PSME2: variants seen among roughly 807,000 people sequenced by gnomAD.
The protein encoded by PSME2 is proteasome activator complex subunit 2.
PSME2 carries 20 observed loss-of-function variants against 38.8 expected under a neutral mutation model. That is an observed-to-expected ratio of 0.52 (90% CI 0.36 to 0.75). PSME2 has a LOEUF of 0.75. PSME2 is among the 30% of genes least tolerant of loss of function. The probability of loss-of-function intolerance (pLI) is 0.00; values close to 1 mark genes in which losing one functional copy is unlikely to be tolerated. For missense variants in PSME2, 227 were observed against 287.6 expected, an observed-to-expected ratio of 0.79 and a Z score of 1.52; for synonymous variants, 82 against 102.5, an observed-to-expected ratio of 0.80 and a Z score of 1.21.
At position 24,145,392 on chromosome 14, in the gene PSME2, G is replaced by C. The variant is rs1673875338; in HGVS notation, c.218C>G (p.Pro73Arg). 6.3e-7 allele frequency: 1 copy of C among 1,589,294 alleles called. No homozygotes were observed. The highest frequency in any genetic ancestry group is 1.3e-5 in the African/African-American group (1 of 74,216). The change falls in exon 4 of 11, where the codon CCC becomes CGC. Residue 73 changes from proline to arginine, a missense_variant. Physicochemically the swap from Pro to Arg is moderately radical, Grantham distance 103. Around this residue, in one of 3 missense-constraint regions of PSME2, gnomAD observed 48 missense variants for 96.4 expected, o/e 0.50. Coordinates refer to ENST00000216802, the MANE Select transcript of PSME2 (RefSeq NM_002818.3). ...PLDIPIPDPP[P>R]KDDEMETDKQ... Reference sequence around the variant, plus strand: ...TGAGTGCCTCACCTCATCATCCTTGGGTGGAGGGTCTGGGATGGGGATGTC... The same window carrying C: ...TGAGTGCCTCACCTCATCATCCTTGCGTGGAGGGTCTGGGATGGGGATGTC...
intron 4 of PSME2, 49 bp downstream of exon 4, chr14:24,145,330 T>A (rs762699981): frequency 6.2e-7 from 1 of 1,612,664 alleles, no homozygotes; most frequent in Admixed American, 1.7e-5. Flanking sequence ...TGAAGGGCTA[T>A]CTTCTCCATT....
At chr14:24,144,938 C>T in intron 6 of PSME2, 120 bp downstream of exon 6, 1 of 1,010,332 alleles carries the variant, frequency 9.9e-7, no homozygotes, top group Non-Finnish European at 1.5e-6. Flanking sequence ...GCCCAAGGCA[C>T]AGAAGGAAGT....
chr14:24,146,578 C>G lies in PSME2; in HGVS notation c.4G>C (p.Ala2Pro). 1 of 1,613,576 alleles carries G rather than the reference C, an allele frequency of 6.2e-7. No homozygotes were observed. The highest frequency in any genetic ancestry group is 8.5e-7 in the Non-Finnish European group (1 of 1,180,036). The change falls in exon 1 of 11, where the codon GCC becomes CCC. Residue 2 changes from alanine to proline, a missense_variant. Around this residue, in one of 3 missense-constraint regions of PSME2, gnomAD observed 80 missense variants for 77.3 expected, o/e 1.04. Transcript: ENST00000216802. MAKPCGVRLSGE... is the reference protein window; with the variant it reads MPKPCGVRLSGE... ...CTCAGGCGCACCCCACACGGCTTGG[C>G]CATGCTGCTTCAGTCGCTAGATCTC...
At chr14:24,145,012 A>T in intron 6 of PSME2, 46 bp downstream of exon 6, 1 of 1,558,188 alleles carries the variant, frequency 6.4e-7, no homozygotes, top group South Asian at 1.1e-5. Context: ...CCAGGGCCTC[A>T]CCTTGTGTGT....
Position 24,146,542 on chromosome 14 carries a change from G to C in PSME2, c.40C>G (p.Arg14Gly). 1 of 1,613,974 alleles carries C rather than the reference G, an allele frequency of 6.2e-7. No individual in the cohort carries two copies. The highest frequency in any genetic ancestry group is 1.1e-5 in the South Asian group (1 of 91,084). ...PCGVRLSGEA[R>G]KQVEVFRQNL... ...CTCCGATTCCCCATTACCTGTTTGC[G>C]GGCTTCCCCGCTCAGGCGCACCCCA... The change falls in exon 1 of 11, where the codon CGC (arginine) becomes GGC (glycine). Residue 14 changes from arginine to glycine, a missense_variant. By Grantham distance (125) the Arg-to-Gly change is moderately radical (BLOSUM62 -2). Around this residue, in one of 3 missense-constraint regions of PSME2, gnomAD observed 80 missense variants for 77.3 expected, o/e 1.04. Transcript: ENST00000216802.
chr14:24,146,419 G>T, intron 1 of PSME2, 115 bp downstream of exon 1: 1 of 1,462,966 alleles, frequency 6.8e-7, no homozygotes, highest in Non-Finnish European at 9.5e-7. Flanking sequence ...GAGAAGTGAA[G>T]GCACTAGCGA....
chr14:24,143,940 C>G lies in PSME2; in HGVS notation c.552+35G>C. 6.2e-7 allele frequency: 1 copy of G among 1,606,166 alleles called. No homozygotes were observed. Among genetic ancestry groups the G allele is most frequent in the Non-Finnish European group, 8.5e-7 (1 of 1,173,068 alleles). ...TCTTCCTCCACACCTCCTCGTCCCACACCCAGCTAAAAGGCTGGTGGACTA... is the reference window on the plus strand; with the variant it reads ...TCTTCCTCCACACCTCCTCGTCCCAGACCCAGCTAAAAGGCTGGTGGACTA... On this transcript the variant is annotated intron_variant, in intron 9 of 10. Coordinates refer to ENST00000216802, the MANE Select transcript of PSME2 (RefSeq NM_002818.3). The surrounding 1 kb of genome is among the most constrained non-coding windows in gnomAD (Gnocchi z 4.4).
chr14:24,145,938 C>T (rs1281406715), intron 2 of PSME2, 166 bp from the exon 3 acceptor site: 2 of 860,312 alleles, frequency 2.3e-6, no homozygotes, highest in East Asian at 2.6e-5. Flanking sequence ...AATGGCAGAA[C>T]GAAGGTTAGG....
Position 24,144,456 on chromosome 14 carries a change from T to G in PSME2, c.373A>C (p.Ile125Leu), listed in dbSNP as rs2038121217. ...KEKCILVITW[I>L]QHLIPKIEDG... ...TCAATCTTGGGGATCAGGTGTTGGA[T>G]CCATGTAATCACCTGTGTTAAGAGG... The change falls in exon 7 of 11, where the codon ATC becomes CTC. Residue 125 changes from isoleucine to leucine, a missense_variant. Coordinates refer to ENST00000216802, the MANE Select transcript of PSME2 (RefSeq NM_002818.3). The G allele has an allele frequency of 6.2e-7, 1 of 1,612,098 alleles. No homozygotes were observed.
At chr14:24,144,287 C>G in intron 7 of PSME2, 28 bp from the exon 8 acceptor site, 1 of 1,613,722 alleles carries the variant, frequency 6.2e-7, no homozygotes, top group Non-Finnish European at 8.5e-7. Flanking sequence ...GCAAAGACAA[C>G]ACTTCATGTC....
At chr14:24,144,780 C>A (rs2038124876) in intron 6 of PSME2, 2 of 568,446 alleles carry the variant, frequency 3.5e-6, no homozygotes, top group Non-Finnish European at 6.3e-6. Context: ...TAAAACAATT[C>A]ACTCACTATA....
intron 1 of PSME2, 107 bp downstream of exon 1, chr14:24,146,427 C>A (rs2038157516): frequency 6.7e-7 from 1 of 1,498,646 alleles, no homozygotes; most frequent in African/African-American, 1.4e-5. Context: ...AAGGCACTAG[C>A]GAGATTGGGG....
intron 4 of PSME2, 34 bp from the exon 5 acceptor site, chr14:24,145,307 A>G: frequency 6.2e-7 from 1 of 1,613,860 alleles, no homozygotes; most frequent in Non-Finnish European, 8.5e-7. Context: ...AGCTTTAGAA[A>G]AGTCACAGAG....
At position 24,145,730 on chromosome 14, in the gene PSME2, A is replaced by T. The variant is rs748052781; in HGVS notation, c.124T>A (p.Tyr42Asn). Residue 42 changes from tyrosine (Y) to asparagine (N), a missense_variant, in exon 3 of 11, where the codon TAC (tyrosine) becomes AAC (asparagine). Tyr to Asn is a moderately radical substitution (Grantham distance 143). Around this residue, in one of 3 missense-constraint regions of PSME2, gnomAD observed 80 missense variants for 77.3 expected, o/e 1.04. Transcript: ENST00000216802. ...LYRFLPQKIIYLNQLLQEDSL... is the reference protein window; with the variant it reads ...LYRFLPQKIINLNQLLQEDSL... ...CTCACTTGCAAGAGCTGATTCAGGT[A>T]TATGATTTTCTGTGGCAAGAATCTG... is the stretch of plus-strand genomic sequence containing the variant. 3.7e-6 allele frequency: 6 copies of T among 1,613,900 alleles called. No individual in the cohort carries two copies. In the African/African-American group the frequency reaches 5.3e-5, roughly 14 times the overall value.
Position 24,146,256 on chromosome 14 carries a change from T to C in PSME2, c.49-16A>G, listed in dbSNP as rs1315222127. ...AGACCTCCACCTACACAGAGAGCAG[T>C]ACCCGGATGTTGGTTAAGGGTCTGG... On this transcript the variant is annotated splice_polypyrimidine_tract_variant and intron_variant, in intron 1 of 10. Transcript: ENST00000216802. The C allele has an allele frequency of 6.2e-7, 1 of 1,613,466 alleles. No homozygotes were observed. Among genetic ancestry groups the C allele is most frequent in the East Asian group, 2.2e-5 (1 of 44,888 alleles).
chr14:24,145,424 G>C lies in PSME2; in HGVS notation c.186C>G (p.Ala62=). ...GGTCTGGGATGGGGATGTCCAGTGG[G>C]GCCCGGAGGGAAGTCAAGTCAGCCA... ...LNVADLTSLR[A]PLDIPIPDPP... Residue 62 remains alanine, a synonymous_variant, in exon 4 of 11, where the codon GCC becomes GCG. Coordinates refer to ENST00000216802, the MANE Select transcript of PSME2 (RefSeq NM_002818.3). 1 of 1,561,916 alleles carries C rather than the reference G, an allele frequency of 6.4e-7. No individual in the cohort carries two copies. The highest frequency in any genetic ancestry group is 1.9e-5 in the Admixed American group (1 of 53,014).
rs373079758 is a variant in PSME2 at position 24,144,384 on chromosome 14, G to A, written c.429+16C>T. ...GCTCTCCCCACTCTAAGTATCTTCA[G>A]TTACCCTTTTCTTACCTGGATTGCT... On this transcript the variant is annotated intron_variant, in intron 7 of 10. Transcript: ENST00000216802. 1.2e-5 allele frequency: 20 copies of A among 1,610,962 alleles called. No individual in the cohort carries two copies. The highest frequency in any genetic ancestry group is 1.6e-5 in the Non-Finnish European group (19 of 1,177,258).
At chr14:24,144,280 A>G in intron 7 of PSME2, 21 bp from the exon 8 acceptor site, 20 of 1,613,918 alleles carry the variant, frequency 1.2e-5, no homozygotes, top group Non-Finnish European at 1.7e-5. Context: ...ACGGGAGGCA[A>G]AGACAACACT....
At chr14:24,145,796 G>T in intron 2 of PSME2, 24 bp from the exon 3 acceptor site, 1 of 1,600,050 alleles carries the variant, frequency 6.2e-7, no homozygotes, top group Non-Finnish European at 8.6e-7. Context: ...TGCAAGGGAG[G>T]GGAATCACAG....
Sources: allele counts gnomAD v4.1 joint callset, GRCh38; gene constraint gnomAD v4.1.1; regional missense constraint gnomAD v4.1.1; non-coding constraint Gnocchi (gnomAD v3.1); transcripts MANE v1.5; gene names NCBI Gene and HGNC (gene_info 2026-07-23, HGNC 2026-07-21).